Variants in MID1 observed in about 807,000 individuals in gnomAD.
MID1 encodes midline 1, also known as E3 ubiquitin-protein ligase Midline-1.
A neutral mutation model predicts 40.4 loss-of-function variants in MID1; 7 were observed. That is an observed-to-expected ratio of 0.17 (90% CI 0.10 to 0.33). MID1 has a LOEUF of 0.33. MID1 is among the 10% of genes least tolerant of loss of function. MID1 has a pLI of 1.00. For synonymous variants in MID1, 229 were observed against 221.2 expected, an observed-to-expected ratio of 1.04 and a Z score of -0.31; for missense variants, 367 against 558.5, an observed-to-expected ratio of 0.66 and a Z score of 3.46.
At chrX:10,524,956 T>C (rs180929555) in intron 2 of MID1, among the ~76,000 whole-genome samples, 1 of 112,027 alleles carries the variant, frequency 8.9e-6, no homozygotes, top group East Asian at 2.8e-4. Flanking sequence ...GAAACTGTGT[T>C]TTAGCATATA....
At chrX:10,720,357 A>G (rs964008489) in intron 1 of MID1, among the ~76,000 whole-genome samples, 2 of 112,137 alleles carry the variant, frequency 1.8e-5, no homozygotes, top group African/African-American at 6.5e-5. Context: ...TACAAGAAAA[A>G]AACAAAGAAC....
At chrX:10,518,831 A>T (rs1388392295) in intron 3 of MID1, among the ~76,000 whole-genome samples, 1 of 112,145 alleles carries the variant, frequency 8.9e-6, no homozygotes, top group African/African-American at 3.2e-5. Context: ...AAGAATGAAT[A>T]TTCTTTATTC....
chrX:10,533,378 A>AAGAAAGAG (rs775558538), intron 2 of MID1, among the ~76,000 whole-genome samples: 101 of 56,572 alleles, frequency 1.8e-3, no homozygotes, highest in East Asian at 7.6e-3. Flanking sequence ...GAAAGAAAGA[A>AAGAAAGAG]AAAGAAAGAA....
At chrX:10,831,553 T>C (rs765184290) in intron 1 of MID1, among the ~76,000 whole-genome samples, 6 of 111,721 alleles carry the variant, frequency 5.4e-5, no homozygotes, top group South Asian at 7.6e-4. Context: ...GGAGGATTAG[T>C]TCAGACACTG....
intron 1 of MID1, among the ~76,000 whole-genome samples, chrX:10,830,741 A>C (rs2044247599): frequency 8.9e-6 from 1 of 112,794 alleles, no homozygotes; most frequent in African/African-American, 3.2e-5. Context: ...ACCAAATGTT[A>C]GAAAGGATTC....
intron 3 of MID1, among the ~76,000 whole-genome samples, chrX:10,498,686 A>G (rs1181522674): frequency 8.9e-6 from 1 of 112,136 alleles, no homozygotes; most frequent in Non-Finnish European, 1.9e-5. Context: ...CCTGTTCTGG[A>G]CGTTTCATAT....
chrX:10,654,930 A>G (rs2042859727), intron 1 of MID1, among the ~76,000 whole-genome samples: 1 of 112,372 alleles, frequency 8.9e-6, no homozygotes, highest in African/African-American at 3.2e-5. Context: ...TGCTTGAGAC[A>G]CACCAGTGAA....
At chrX:10,546,883 T>C (rs911406407) in intron 2 of MID1, among the ~76,000 whole-genome samples, 1 of 112,560 alleles carries the variant, frequency 8.9e-6, no homozygotes, top group African/African-American at 3.2e-5. Flanking sequence ...CCCTCTTGCA[T>C]TTCTCCTAAT....
intron 1 of MID1, among the ~76,000 whole-genome samples, chrX:10,659,759 G>T (rs188674622): frequency 1.9e-3 from 212 of 111,326 alleles, no homozygotes; most frequent in African/African-American, 6.7e-3. Flanking sequence ...TTAGAGGGAG[G>T]TATTGGAGTT....
chrX:10,721,223 A>G (rs1221209494), intron 1 of MID1, among the ~76,000 whole-genome samples: 2 of 111,632 alleles, frequency 1.8e-5, no homozygotes, highest in Admixed American at 1.9e-4. Flanking sequence ...TAAATAAAGA[A>G]AAATGAAGTT....
At chrX:10,666,277 G>A (rs750044429) in intron 1 of MID1, among the ~76,000 whole-genome samples, 2 of 110,355 alleles carry the variant, frequency 1.8e-5, no homozygotes, top group Non-Finnish European at 3.8e-5. Flanking sequence ...CTTTCCCCTA[G>A]GATTGTGCAA....
intron 4 of MID1, among the ~76,000 whole-genome samples, chrX:10,484,954 A>G (rs1048739069): frequency 9.1e-6 from 1 of 109,794 alleles, no homozygotes; most frequent in African/African-American, 3.4e-5. Context: ...GATGTCATAT[A>G]TATTTCTTAC....
chrX:10,817,984 A>T (rs2044151421), intron 1 of MID1, among the ~76,000 whole-genome samples: 1 of 112,159 alleles, frequency 8.9e-6, no homozygotes, highest in East Asian at 2.8e-4. Flanking sequence ...AAATGGCTAC[A>T]AATATTAATT....
At chrX:10,759,645 C>T (rs899100641) in intron 1 of MID1, among the ~76,000 whole-genome samples, 4 of 110,286 alleles carry the variant, frequency 3.6e-5, no homozygotes, top group African/African-American at 1.3e-4. Flanking sequence ...CCACCCTCCG[C>T]CACTCCCCCA....
At chrX:10,493,030 G>A (rs1023994625) in intron 4 of MID1, among the ~76,000 whole-genome samples, 1 of 111,680 alleles carries the variant, frequency 9.0e-6, no homozygotes, top group African/African-American at 3.3e-5. Flanking sequence ...AGGAAGTTGT[G>A]GTGGAGTGCC....
chrX:10,621,497 A>G (rs984070217), upstream of MID1, among the ~76,000 whole-genome samples: 1 of 112,576 alleles, frequency 8.9e-6, no homozygotes, highest in Non-Finnish European at 1.9e-5. Context: ...AGTTGAGCAA[A>G]GAGTACTTTG....
chrX:10,572,187 TACACACAC>T (rs376684211), intron 1 of MID1, among the ~76,000 whole-genome samples: 1,470 of 91,001 alleles, frequency 0.016, 15 homozygotes, highest in African/African-American at 0.022. Flanking sequence ...ATGTATCTAA[TACACACAC>T]ACACACACAC....
chrX:10,470,011 T>G (rs761348270), intron 6 of MID1, among the ~76,000 whole-genome samples, 171 bp from the exon 7 acceptor site: 1 of 112,473 alleles, frequency 8.9e-6, no homozygotes, highest in Non-Finnish European at 1.9e-5. Flanking sequence ...TTATTGCTTT[T>G]GTTTTTAATA....
intron 1 of MID1, among the ~76,000 whole-genome samples, chrX:10,570,017 G>A (rs1934677485): frequency 8.9e-6 from 1 of 112,125 alleles, no homozygotes; most frequent in African/African-American, 3.2e-5. Flanking sequence ...AAGAGAGCCT[G>A]TTGTTAAAAC....
Sources: allele counts gnomAD v4.1 joint callset (sites outside exome capture counted in the v4.1 genomes callset), GRCh38; gene constraint gnomAD v4.1.1; transcripts MANE v1.5; gene names NCBI Gene and HGNC (gene_info 2026-07-23, HGNC 2026-07-21).